The following ANKRD36 variants were observed in gnomAD, a reference collection of about 807,000 sequenced individuals.
ANKRD36 encodes ankyrin repeat domain-containing protein 36A.
ANKRD36 carries 179 observed loss-of-function variants against 278.1 expected under a neutral mutation model. The observed-to-expected ratio is 0.64, with a 90% CI of 0.57 to 0.73. ANKRD36 has a LOEUF of 0.73. Among genes scored for constraint, ANKRD36 ranks in the 30% least tolerant of loss-of-function variants. The pLI, the probability that ANKRD36 is intolerant of heterozygous loss-of-function variation, is 0.00. For missense variants in ANKRD36, 1,159 were observed against 1,956.7 expected, an observed-to-expected ratio of 0.59 and a Z score of 7.69; for synonymous variants, 320 against 641.1, an observed-to-expected ratio of 0.50 and a Z score of 7.57.
chr2:97,175,913 GT>G (rs1473769649), intron 22 of ANKRD36, among the ~76,000 whole-genome samples: 1 of 151,816 alleles, frequency 6.6e-6, no homozygotes, highest in Admixed American at 6.6e-5. Flanking sequence ...AGGTTGTTCA[GT>G]TTCCATGTAG....
chr2:97,202,002 A>T (rs866302324), intron 46 of ANKRD36, among the ~76,000 whole-genome samples, 200 bp from the exon 47 acceptor site: 13 of 152,004 alleles, frequency 8.6e-5, no homozygotes, highest in African/African-American at 2.9e-4. Flanking sequence ...TGAAATTGTA[A>T]GGGTATATTT....
chr2:97,149,406 AT>A, intron 12 of ANKRD36, 45 bp downstream of exon 12: 1 of 1,422,900 alleles, frequency 7.0e-7, no homozygotes, highest in Non-Finnish European at 9.4e-7. Flanking sequence ...TCTGAATCTC[AT>A]TTTTTATATT....
chr2:97,183,151 T>C lies in ANKRD36; in HGVS notation c.1838-308T>C, dbSNP rs984168765. ...CTGGGTGTATGAGTTGCTCCTCTGATTTTAGATCACATTTCTTTTCATCAT... is the reference window on the plus strand; with the variant it reads ...CTGGGTGTATGAGTTGCTCCTCTGACTTTAGATCACATTTCTTTTCATCAT... On this transcript the variant is annotated intron_variant, in intron 26 of 75. Coordinates refer to ENST00000420699, the MANE Select transcript of ANKRD36 (RefSeq NM_001354587.1). Among the ~76,000 whole-genome samples the C allele has an allele frequency of 3.3e-5, 5 of 151,822 alleles. 1 individual carries two copies. The highest frequency in any genetic ancestry group is 1.2e-4 in the African/African-American group (5 of 41,416).
chr2:97,229,934 ATTCTT>A (rs566265268), intron 67 of ANKRD36, among the ~76,000 whole-genome samples: 6,783 of 149,616 alleles, frequency 0.045, no homozygotes, highest in Non-Finnish European at 0.067. Context: ...TGGGTTGAAA[ATTCTT>A]TTCTTTAAGA....
At chr2:97,140,757 G>A (rs1424793364) in intron 6 of ANKRD36, among the ~76,000 whole-genome samples, 1 of 151,958 alleles carries the variant, frequency 6.6e-6, no homozygotes, top group East Asian at 1.9e-4. Flanking sequence ...ATACAGTAGT[G>A]GTGAGAATAA....
intron 75 of ANKRD36, among the ~76,000 whole-genome samples, chr2:97,260,381 C>T (rs868560823): frequency 1.3e-4 from 13 of 101,520 alleles, no homozygotes; most frequent in African/African-American, 4.2e-4. Context: ...TATATATATA[C>T]ACACATATAT....
chr2:97,206,180 T>A (rs1429349209), intron 52 of ANKRD36, 45 bp downstream of exon 52: 1 of 1,484,168 alleles, frequency 6.7e-7, no homozygotes, highest in Non-Finnish European at 9.0e-7. Flanking sequence ...TCGAGATAGA[T>A]AAGAAGTTCT....
rs1320875281 is a variant in ANKRD36, at chr2:97,224,401, C to G, written c.3878-405C>G. Among the ~76,000 whole-genome samples the G allele has an allele frequency of 1.5e-4, 23 of 150,266 alleles. 1 individual carries two copies. The highest frequency in any genetic ancestry group is 4.7e-4 in the Admixed American group (7 of 15,012). On this transcript the variant is annotated intron_variant, in intron 66 of 75. Transcript: ENST00000420699. Reference sequence around the variant, plus strand: ...CTAAAGATTAAGCTTCGTTGAAACACTTTTATTTTCTGGTTTTAGAAAGAC... The same window carrying G: ...CTAAAGATTAAGCTTCGTTGAAACAGTTTTATTTTCTGGTTTTAGAAAGAC...
rs147198744 is a variant in ANKRD36, at chr2:97,191,598, C to T, written c.2347+417C>T. ...CATAGACACTGTAGAAGGAGACCTA[C>T]GGAGACCCCTCCTGTAGCAATTATT... On this transcript the variant is annotated intron_variant, in intron 36 of 75. Transcript: ENST00000420699. Among the ~76,000 whole-genome samples, 175 of 151,710 alleles carry T rather than the reference C, an allele frequency of 1.2e-3. 6 individuals are homozygous for T. The East Asian group carries it at 0.014, about 12-fold the overall frequency.
At chr2:97,227,602 T>C (rs1435537946) in intron 67 of ANKRD36, among the ~76,000 whole-genome samples, 1 of 152,110 alleles carries the variant, frequency 6.6e-6, no homozygotes. Flanking sequence ...CTTTTCCTAA[T>C]TGAATACCCT....
At chr2:97,235,469 G>T (rs1224986192) in intron 68 of ANKRD36, among the ~76,000 whole-genome samples, 1 of 142,470 alleles carries the variant, frequency 7.0e-6, no homozygotes, top group Non-Finnish European at 1.5e-5. Flanking sequence ...ACCACCTTAA[G>T]TTGGGGATTG....
At chr2:97,199,050 C>A (rs1176196920) in intron 44 of ANKRD36, among the ~76,000 whole-genome samples, 1 of 151,878 alleles carries the variant, frequency 6.6e-6, no homozygotes, top group Non-Finnish European at 1.5e-5. Flanking sequence ...TTGTAACAAC[C>A]CGTAGACACT....
intron 56 of ANKRD36, among the ~76,000 whole-genome samples, chr2:97,210,350 A>G (rs1430775997): frequency 6.6e-6 from 1 of 151,854 alleles, no homozygotes; most frequent in Non-Finnish European, 1.5e-5. Flanking sequence ...GGAAGGCGGA[A>G]TAAGAGGAAT....
intron 1 of ANKRD36, among the ~76,000 whole-genome samples, chr2:97,115,141 C>G (rs1399590899): frequency 6.6e-6 from 1 of 151,880 alleles, no homozygotes; most frequent in Non-Finnish European, 1.5e-5. Flanking sequence ...TGCCTTTGCA[C>G]CAATCTAATA....
intron 35 of ANKRD36, 49 bp from the exon 36 acceptor site, chr2:97,191,060 A>G: frequency 6.3e-7 from 1 of 1,596,912 alleles, no homozygotes; most frequent in East Asian, 2.3e-5. Flanking sequence ...TCTATGAAAT[A>G]TACTTCATTG....
At chr2:97,233,417 T>C (rs936118156) in intron 67 of ANKRD36, among the ~76,000 whole-genome samples, 3 of 150,970 alleles carry the variant, frequency 2.0e-5, no homozygotes, top group Non-Finnish European at 4.4e-5. Flanking sequence ...TAATTGTATG[T>C]ATAAATAGAT....
intron 54 of ANKRD36, 46 bp from the exon 55 acceptor site, chr2:97,209,635 T>C (rs1365238500): frequency 1.3e-6 from 2 of 1,580,258 alleles, no homozygotes; most frequent in Admixed American, 1.7e-5. Context: ...TGGATAACTT[T>C]ATCATATTTA....
At position 97,149,377 on chromosome 2, in the gene ANKRD36, G is replaced by A. The variant is rs182956003; in HGVS notation, c.1101+16G>A. The A allele has an allele frequency of 3.3e-6, 5 of 1,508,788 alleles. No individual in the cohort carries two copies. The South Asian group carries it at 6.4e-5, about 19-fold the overall frequency. The allele number at this position is 1,508,788 out of a possible 1,614,324, so 93.5% of individuals were successfully genotyped here. Reference sequence around the variant, plus strand: ...GGAATCTGAGGTAGAGTACTCTCTTGTGAAATTAATTTTCTCCCTCTGAAT... The same window carrying A: ...GGAATCTGAGGTAGAGTACTCTCTTATGAAATTAATTTTCTCCCTCTGAAT... On this transcript the variant is annotated intron_variant, in intron 12 of 75. Transcript: ENST00000420699.
intron 66 of ANKRD36, among the ~76,000 whole-genome samples, chr2:97,222,727 C>G: frequency 6.6e-6 from 1 of 152,092 alleles, no homozygotes; most frequent in Non-Finnish European, 1.5e-5. Context: ...ATGTAAGGTA[C>G]TACTGCTAAA....
Sources: allele counts gnomAD v4.1 joint callset (sites outside exome capture counted in the v4.1 genomes callset), GRCh38; gene constraint gnomAD v4.1.1; transcripts MANE v1.5; gene names NCBI Gene and HGNC (gene_info 2026-07-23, HGNC 2026-07-21).